Variants in PCDH15 observed in about 807,000 individuals in gnomAD.
PCDH15 encodes protocadherin-15.
In PCDH15, 129 loss-of-function variants were observed where a neutral mutation model predicts 178.5. The ratio of observed to expected loss-of-function variants is 0.72; its 90% CI spans 0.63 to 0.84. The LOEUF is 0.84. Ranked by LOEUF, PCDH15 falls within the 40% of genes least tolerant of loss-of-function variation. The pLI, the probability that PCDH15 is intolerant of heterozygous loss-of-function variation, is 0.00. For synonymous variants in PCDH15, 800 were observed against 732.0 expected, an observed-to-expected ratio of 1.09 and a Z score of -1.50; for missense variants, 2,230 against 2,099.9, an observed-to-expected ratio of 1.06 and a Z score of -1.21.
intron 21 of PCDH15, 109 bp downstream of exon 21, chr10:53,995,540 G>A (rs1196400342): frequency 1.3e-6 from 2 of 1,593,628 alleles, no homozygotes; most frequent in African/African-American, 1.3e-5. Context: ...TGAATAAATA[G>A]GGTGAAATTT....
chr10:54,479,007 A>G (rs1256124514), intron 3 of PCDH15, among the ~76,000 whole-genome samples: 1 of 142,598 alleles, frequency 7.0e-6, no homozygotes. Flanking sequence ...AGGGAAAAGA[A>G]AAAAAAAAAA....
At chr10:55,499,156 C>G (rs1840598560) in intron 2 of PCDH15, among the ~76,000 whole-genome samples, 1 of 151,740 alleles carries the variant, frequency 6.6e-6, no homozygotes, top group African/African-American at 2.4e-5. Context: ...TGGTGAGACA[C>G]TGAGCAGGGG....
At chr10:54,492,502 A>G (rs950667159) in intron 3 of PCDH15, among the ~76,000 whole-genome samples, 3 of 152,176 alleles carry the variant, frequency 2.0e-5, no homozygotes, top group African/African-American at 7.2e-5. Context: ...GTTCTCCTTT[A>G]TTCAAGTGCT....
chr10:55,094,027 G>C (rs577451330), intron 2 of PCDH15, among the ~76,000 whole-genome samples: 1 of 152,060 alleles, frequency 6.6e-6, no homozygotes, highest in South Asian at 2.1e-4. Flanking sequence ...TTTGACCCAG[G>C]GAACCCATTG....
intron 1 of PCDH15, among the ~76,000 whole-genome samples, chr10:55,256,200 A>C (rs1263951732): frequency 6.6e-6 from 1 of 152,194 alleles, no homozygotes; most frequent in Non-Finnish European, 1.5e-5. Flanking sequence ...CATTTATTAA[A>C]TAGGGAATCC....
chr10:55,559,437 AT>A (rs941970529), intron 2 of PCDH15, among the ~76,000 whole-genome samples: 3 of 151,998 alleles, frequency 2.0e-5, no homozygotes, highest in Non-Finnish European at 2.9e-5. Flanking sequence ...AGCAAATCAT[AT>A]GTGGCCATTA....
chr10:54,353,606 A>G (rs748872438), intron 5 of PCDH15, among the ~76,000 whole-genome samples: 1 of 152,148 alleles, frequency 6.6e-6, no homozygotes, highest in Non-Finnish European at 1.5e-5. Context: ...GGACTTCAAT[A>G]GAGTGTGTAC....
chr10:54,811,341 T>A (rs1479188787), intron 3 of PCDH15, among the ~76,000 whole-genome samples: 1 of 152,188 alleles, frequency 6.6e-6, no homozygotes, highest in African/African-American at 2.4e-5. Flanking sequence ...TTTGATATAG[T>A]TAATTTCATG....
In PCDH15 at chr10:54,105,277, G is replaced by T. The variant is rs867973448; in HGVS notation, c.1918-15214C>A. Among the ~76,000 whole-genome samples the T allele has an allele frequency of 3.7e-3, 331 of 90,436 alleles. 3 individuals are homozygous for T. Among genetic ancestry groups the T allele is most frequent in the East Asian group, 0.016 (53 of 3,262 alleles). The allele number at this position is 90,436 out of a possible 152,430, so 59.3% of individuals were successfully genotyped here. On this transcript the variant is annotated intron_variant, in intron 15 of 37. Coordinates refer to ENST00000644397, the MANE Select transcript of PCDH15 (RefSeq NM_001384140.1). The stretch of plus-strand genomic sequence containing the variant: ...ATATAGATATAGACATATAGATGGA[G>T]ATATATATATATATATATATATATA...
intron 6 of PCDH15, among the ~76,000 whole-genome samples, chr10:54,343,366 T>C (rs991991295): frequency 4.6e-5 from 7 of 152,272 alleles, no homozygotes; most frequent in Admixed American, 4.6e-4. Flanking sequence ...CCATGTAAGA[T>C]GTTCCTTCCT....
At chr10:55,232,639 A>G (rs888413111) in intron 1 of PCDH15, among the ~76,000 whole-genome samples, 2 of 152,060 alleles carry the variant, frequency 1.3e-5, no homozygotes, top group African/African-American at 4.8e-5. Flanking sequence ...GTAACTTCCA[A>G]TTGGGATGCT....
chr10:54,335,170 G>A (rs1289166287), intron 6 of PCDH15, among the ~76,000 whole-genome samples: 1 of 152,138 alleles, frequency 6.6e-6, no homozygotes, highest in African/African-American at 2.4e-5. Context: ...ACCCAAGAGG[G>A]ACTGGGATTT....
intron 3 of PCDH15, among the ~76,000 whole-genome samples, chr10:54,444,910 C>G (rs2076050028): frequency 6.6e-6 from 1 of 151,540 alleles, no homozygotes; most frequent in African/African-American, 2.4e-5. Context: ...AAAGCACTTT[C>G]TTATATTGCA....
intron 2 of PCDH15, among the ~76,000 whole-genome samples, chr10:54,901,231 G>A (rs1346691596): frequency 6.6e-6 from 1 of 152,084 alleles, no homozygotes; most frequent in Non-Finnish European, 1.5e-5. Context: ...ACTTGAGCCT[G>A]GGAAGTGGAG....
intron 2 of PCDH15, among the ~76,000 whole-genome samples, chr10:54,662,306 A>G (rs1007922589): frequency 1.3e-5 from 2 of 152,020 alleles, no homozygotes; most frequent in African/African-American, 4.8e-5. Context: ...AAAACATTCA[A>G]CCTCACTAAT....
intron 3 of PCDH15, among the ~76,000 whole-genome samples, chr10:54,381,331 T>C (rs1112065): frequency 0.47 from 71,799 of 151,742 alleles, 18,570 homozygotes; most frequent in Middle Eastern, 0.6. Flanking sequence ...GGTGACTGTA[T>C]CTTTCCACAC....
chr10:53,996,228 A>T (rs2091840320), intron 20 of PCDH15, among the ~76,000 whole-genome samples: 1 of 152,156 alleles, frequency 6.6e-6, no homozygotes. Context: ...AACATTTCAG[A>T]TACAAACTGT....
At chr10:54,322,383 A>G (rs2061668792) in intron 7 of PCDH15, among the ~76,000 whole-genome samples, 1 of 151,890 alleles carries the variant, frequency 6.6e-6, no homozygotes, top group Non-Finnish European at 1.5e-5. Context: ...ATTTAACTTC[A>G]ATTATTTAAA....
intron 2 of PCDH15, among the ~76,000 whole-genome samples, chr10:55,341,609 C>T (rs1261290564): frequency 6.9e-6 from 1 of 145,378 alleles, no homozygotes; most frequent in Non-Finnish European, 1.5e-5. Flanking sequence ...CTCTCCCTGT[C>T]GCCTGACTGG....
Sources: gnomAD v4.1 joint callset for allele counts (sites outside exome capture counted in the v4.1 genomes callset) on GRCh38, gnomAD v4.1.1 for gene constraint, MANE v1.5 for transcripts, NCBI Gene and HGNC (gene_info 2026-07-23, HGNC 2026-07-21) for gene names.